Variants in CLVS1 observed in about 807,000 individuals in gnomAD.
CLVS1 encodes the protein clavesin 1.
In CLVS1, 10 loss-of-function variants were observed where a neutral mutation model predicts 33.1. The observed-to-expected ratio is 0.30, with a 90% CI of 0.19 to 0.51. CLVS1 has a LOEUF of 0.51. Ranked by LOEUF, CLVS1 falls within the 20% of genes least tolerant of loss-of-function variation. CLVS1 has a pLI of 0.97. For missense variants in CLVS1, 343 were observed against 433.4 expected (o/e 0.79, Z 1.85); for synonymous variants, 163 against 166.1 (o/e 0.98, Z 0.14).
upstream of CLVS1, chr8:61,057,146 C>G (rs1343067327): frequency 6.6e-6 from 1 of 152,162 alleles, no homozygotes; most frequent in African/African-American, 2.4e-5. Flanking sequence ...GGCTTTTCTG[C>G]AGTTTGTTTT....
At chr8:61,202,288 C>T (rs1807749449) in intron 2 of CLVS1, 2 of 616,388 alleles carry the variant, frequency 3.2e-6, no homozygotes, top group Non-Finnish European at 3.0e-6. Context: ...TGGCTGTTCT[C>T]TGGAGCAGCA....
At chr8:61,247,047 G>A (rs973798427) in intron 2 of CLVS1, among the ~76,000 whole-genome samples, 3 of 152,126 alleles carry the variant, frequency 2.0e-5, no homozygotes, top group African/African-American at 7.2e-5. Context: ...TTATAAGTGA[G>A]AACATGCAGT....
At chr8:61,062,977 G>A (rs1250036758) in intron 1 of CLVS1, among the ~76,000 whole-genome samples, 1 of 152,048 alleles carries the variant, frequency 6.6e-6, no homozygotes, top group Non-Finnish European at 1.5e-5. Flanking sequence ...CTCTGCTAAA[G>A]CACTTTATAT....
intron 5 of CLVS1, among the ~76,000 whole-genome samples, chr8:61,493,335 T>C (rs1586056566): frequency 6.6e-6 from 1 of 152,310 alleles, no homozygotes; most frequent in East Asian, 1.9e-4. Flanking sequence ...TGCAAATGAA[T>C]ATCAATCAAT....
intron 2 of CLVS1, among the ~76,000 whole-genome samples, chr8:61,250,249 A>G (rs1166450135): frequency 6.6e-6 from 1 of 152,060 alleles, no homozygotes; most frequent in Non-Finnish European, 1.5e-5. Flanking sequence ...GTTATTTCTG[A>G]GGCTTCTGTT....
chr8:61,456,417 A>G (rs1817160296), intron 4 of CLVS1, among the ~76,000 whole-genome samples: 1 of 152,348 alleles, frequency 6.6e-6, no homozygotes, highest in Non-Finnish European at 1.5e-5. Flanking sequence ...AATAATTCTT[A>G]TTAAAATTCA....
intron 2 of CLVS1, among the ~76,000 whole-genome samples, chr8:61,339,984 G>A (rs1416072947): frequency 7.6e-6 from 1 of 131,632 alleles, no homozygotes; most frequent in Non-Finnish European, 1.6e-5. Context: ...GAAAGAAAGT[G>A]AAAAAGAGAA....
At chr8:61,043,265 A>G in the CLVS1 span, among the ~76,000 whole-genome samples, 1 of 152,230 alleles carries the variant, frequency 6.6e-6, no homozygotes, top group Non-Finnish European at 1.5e-5. Context: ...AGCTATTGTC[A>G]TAGGAAAAGC....
At chr8:61,064,742 C>T (rs1469814989) in intron 1 of CLVS1, among the ~76,000 whole-genome samples, 4 of 151,520 alleles carry the variant, frequency 2.6e-5, no homozygotes, top group Non-Finnish European at 4.4e-5. Flanking sequence ...TTCTCTGTCA[C>T]CCAGGCTGGA....
At chr8:61,105,484 T>A (rs1805517655) in intron 1 of CLVS1, among the ~76,000 whole-genome samples, 1 of 152,098 alleles carries the variant, frequency 6.6e-6, no homozygotes. Context: ...CCCGGTGAGG[T>A]AAGCATTAAT....
the CLVS1 span, among the ~76,000 whole-genome samples, chr8:60,989,864 G>A: frequency 8.5e-5 from 13 of 152,138 alleles, no homozygotes; most frequent in Non-Finnish European, 1.6e-4. Context: ...GGTGACTCAT[G>A]CCTGTAATAC....
At chr8:61,277,407 G>T (rs372455514) in intron 2 of CLVS1, among the ~76,000 whole-genome samples, 28 of 152,292 alleles carry the variant, frequency 1.8e-4, no homozygotes, top group East Asian at 1.2e-3. Flanking sequence ...CTGGTTCGGG[G>T]TCAGGTCAGA....
intron 2 of CLVS1, among the ~76,000 whole-genome samples, chr8:61,359,487 C>T (rs1237814642): frequency 1.3e-5 from 2 of 152,092 alleles, no homozygotes; most frequent in African/African-American, 4.8e-5. Context: ...TCCTGAGAAG[C>T]TGGGGTGATA....
At chr8:61,276,927 C>CT (rs1673728971) in intron 2 of CLVS1, among the ~76,000 whole-genome samples, 2 of 152,190 alleles carry the variant, frequency 1.3e-5, no homozygotes, top group Admixed American at 6.5e-5. Context: ...ACAGTGGCTG[C>CT]TATTGTTCTC....
intron 2 of CLVS1, among the ~76,000 whole-genome samples, chr8:61,166,742 C>T (rs975024377): frequency 3.3e-5 from 5 of 151,950 alleles, no homozygotes; most frequent in Non-Finnish European, 5.9e-5. Flanking sequence ...ATGCAAATTT[C>T]AATGCAAAGA....
At position 61,182,802 on chromosome 8, in the gene CLVS1, T is replaced by C. The variant is rs146543236; in HGVS notation, c.-152+50942T>C. On this transcript the variant is annotated intron_variant, in intron 2 of 2. Transcript: ENST00000522621. ...CCCAGCAATCCCATTACCAGGTATATACCCAAAGGATTATAAGTTATTCTA... is the reference window on the plus strand; with the variant it reads ...CCCAGCAATCCCATTACCAGGTATACACCCAAAGGATTATAAGTTATTCTA... Among the ~76,000 whole-genome samples the C allele has an allele frequency of 5.3e-5, 8 of 152,310 alleles. No individual in the cohort carries two copies. In the East Asian group the frequency reaches 1.5e-3, roughly 29 times the overall value.
At chr8:61,029,433 A>G in the CLVS1 span, among the ~76,000 whole-genome samples, 5 of 152,066 alleles carry the variant, frequency 3.3e-5, no homozygotes, top group African/African-American at 1.2e-4. Context: ...TGAGTGGGAG[A>G]GAGGCTGCCC....
intron 3 of CLVS1, among the ~76,000 whole-genome samples, chr8:61,380,326 A>C (rs1813819377): frequency 6.6e-6 from 1 of 152,230 alleles, no homozygotes; most frequent in Non-Finnish European, 1.5e-5. Context: ...TGCCCTTCAC[A>C]GGCTTATTAA....
chr8:61,292,146 A>C, intron 1 of CLVS1: 1 of 298,856 alleles, frequency 3.3e-6, no homozygotes, highest in South Asian at 3.1e-5. Context: ...TCTCACTTTT[A>C]CGTCTGACTA....
Sources: gnomAD v4.1 joint callset for allele counts (sites outside exome capture counted in the v4.1 genomes callset) on GRCh38, gnomAD v4.1.1 for gene constraint, MANE v1.5 for transcripts, NCBI Gene and HGNC (gene_info 2026-07-23, HGNC 2026-07-21) for gene names.